The following VTA1 variants were observed in gnomAD, a reference collection of about 807,000 sequenced individuals.
VTA1 encodes the protein vesicle trafficking 1, also known as vacuolar protein sorting-associated protein VTA1 homolog.
Under a neutral mutation model 36.9 loss-of-function variants are expected in VTA1, and 24 were observed. The observed-to-expected ratio is 0.65, with a 90% CI of 0.47 to 0.91. VTA1 has a LOEUF of 0.91. Among genes scored for constraint, VTA1 ranks in the 40% least tolerant of loss-of-function variants. The pLI, the probability that VTA1 is intolerant of heterozygous loss-of-function variation, is 0.00. For missense variants in VTA1, 393 were observed against 377.2 expected, an observed-to-expected ratio of 1.04 and a Z score of -0.35; for synonymous variants, 142 against 130.2, an observed-to-expected ratio of 1.09 and a Z score of -0.62.
intron 1 of VTA1, among the ~76,000 whole-genome samples, chr6:142,165,480 C>T (rs1774895034): frequency 6.6e-6 from 1 of 152,156 alleles, no homozygotes; most frequent in African/African-American, 2.4e-5. Context: ...TTGTGCACAA[C>T]AGTTGTAATG....
rs113356138 is a variant in VTA1, at chr6:142,212,082, T to G, written c.779-6416T>G. On this transcript the variant is annotated intron_variant, in intron 7 of 7. Coordinates refer to ENST00000367630, the MANE Select transcript of VTA1 (RefSeq NM_016485.5). ...CATTGCTGGTGGGAATGCAAAATGA[T>G]ACAGCCATTTTAAAAGACAGTTTGG... 9.4e-3 allele frequency among the ~76,000 whole-genome samples: 1,434 copies of G among 152,352 alleles called. 39 individuals are homozygous for G. Among genetic ancestry groups the G allele is most frequent in the South Asian group, 0.069 (334 of 4,826 alleles).
rs938830394 is a variant in VTA1, at chr6:142,219,913, C to T, written c.*1270C>T. On this transcript the variant is annotated 3_prime_UTR_variant, in exon 8 of 8. Transcript: ENST00000367630. ...ATGTTTTGTCTGTGGTTGCTTTCCACAACTGCAGAGTTGTATGGCTTGCAA... is the reference window on the plus strand; with the variant it reads ...ATGTTTTGTCTGTGGTTGCTTTCCATAACTGCAGAGTTGTATGGCTTGCAA... 11 of 152,192 alleles carry T rather than the reference C, an allele frequency of 7.2e-5. No individual in the cohort carries two copies. Among genetic ancestry groups the T allele is most frequent in the Non-Finnish European group, 4.4e-5 (3 of 68,040 alleles). 9.4% of individuals were successfully genotyped at this position (152,192 alleles called of 1,614,324 possible).
At chr6:142,151,993 A>G (rs959440719) in intron 1 of VTA1, among the ~76,000 whole-genome samples, 10 of 152,344 alleles carry the variant, frequency 6.6e-5, no homozygotes, top group African/African-American at 2.2e-4. Context: ...AGATCGTGCA[A>G]TTGCACTCCA....
At chr6:142,208,068 G>T (rs225696) in intron 7 of VTA1, among the ~76,000 whole-genome samples, 1 of 138,840 alleles carries the variant, frequency 7.2e-6, no homozygotes, top group African/African-American at 2.8e-5. Context: ...CAGCCTGGGT[G>T]ACAGTGAGAC....
chr6:142,171,635 T>A (rs986303267), intron 4 of VTA1, among the ~76,000 whole-genome samples: 2 of 152,244 alleles, frequency 1.3e-5, no homozygotes, highest in African/African-American at 4.8e-5. Context: ...CAGTATCATT[T>A]TCACCATAAC....
intron 7 of VTA1, among the ~76,000 whole-genome samples, chr6:142,205,854 A>C (rs1054012232): frequency 6.6e-6 from 1 of 152,176 alleles, no homozygotes; most frequent in Non-Finnish European, 1.5e-5. Context: ...AAGAAATCTC[A>C]GTTTGGAAGC....
intron 1 of VTA1, among the ~76,000 whole-genome samples, chr6:142,164,592 A>G (rs1045504124): frequency 1.3e-5 from 2 of 152,170 alleles, no homozygotes; most frequent in Non-Finnish European, 2.9e-5. Context: ...TTAATTTTTA[A>G]AGAGAATTTT....
chr6:142,151,786 C>T (rs745636081), intron 1 of VTA1, among the ~76,000 whole-genome samples: 10 of 152,230 alleles, frequency 6.6e-5, no homozygotes, highest in Non-Finnish European at 1.5e-4. Context: ...GTAATCCCAG[C>T]ACTTTGGGAG....
intron 6 of VTA1, among the ~76,000 whole-genome samples, chr6:142,199,956 T>C (rs1775648078): frequency 2.0e-5 from 3 of 152,140 alleles, no homozygotes; most frequent in African/African-American, 7.2e-5. Flanking sequence ...AACCAGCTAC[T>C]TAGATCTGTT....
In VTA1 at chr6:142,181,172, T is replaced by C. The variant is rs1201142750; in HGVS notation, c.412-8254T>C. Among the ~76,000 whole-genome samples, 4 of 141,732 alleles carry C rather than the reference T, an allele frequency of 2.8e-5. No individual in the cohort carries two copies. The East Asian group carries it at 8.1e-4, about 29-fold the overall frequency. 93.0% of individuals were successfully genotyped at this position (141,732 alleles called of 152,430 possible). A position where few individuals can be genotyped will look rare whatever the true frequency, so the allele number is the denominator to read the frequency against. ...TTTTTGATACGGAGTCTCGCTCTGT[T>C]GCCCAGGGTGGAGTGCAGTGGCGCG... On this transcript the variant is annotated intron_variant, in intron 4 of 7. Coordinates refer to ENST00000367630, the MANE Select transcript of VTA1 (RefSeq NM_016485.5).
chr6:142,159,076 T>C (rs1774719603), intron 1 of VTA1, among the ~76,000 whole-genome samples: 1 of 152,130 alleles, frequency 6.6e-6, no homozygotes, highest in South Asian at 2.1e-4. Context: ...AAATCTGGTA[T>C]TGGTTGGGCA....
At chr6:142,170,212 A>G (rs927919032) in intron 3 of VTA1, 134 bp from the exon 4 acceptor site, 1 of 651,126 alleles carries the variant, frequency 1.5e-6, no homozygotes, top group African/African-American at 1.9e-5. Context: ...TTTTCTTGAA[A>G]TCTAATTTTA....
At position 142,173,026 on chromosome 6, in the gene VTA1, T is replaced by C. The variant is rs982925874; in HGVS notation, c.411+2605T>C. Among the ~76,000 whole-genome samples the C allele has an allele frequency of 5.3e-5, 8 of 150,824 alleles. No individual in the cohort carries two copies. The East Asian group carries it at 1.6e-3, about 29-fold the overall frequency. On this transcript the variant is annotated intron_variant, in intron 4 of 7. Coordinates refer to ENST00000367630, the MANE Select transcript of VTA1 (RefSeq NM_016485.5). ...TTAACTATGGGCCTTAGTTGAGAGGTGGAAAACTGTACATGATGAGTTGTT... is the reference window on the plus strand; with the variant it reads ...TTAACTATGGGCCTTAGTTGAGAGGCGGAAAACTGTACATGATGAGTTGTT...
chr6:142,156,721 GA>G (rs1778670183), intron 1 of VTA1, among the ~76,000 whole-genome samples: 1 of 152,174 alleles, frequency 6.6e-6, no homozygotes, highest in African/African-American at 2.4e-5. Context: ...ATCATCATCA[GA>G]AAATTAAATA....
At chr6:142,213,368 A>G (rs180719012) in intron 7 of VTA1, among the ~76,000 whole-genome samples, 1 of 152,294 alleles carries the variant, frequency 6.6e-6, no homozygotes, top group African/African-American at 2.4e-5. Context: ...TCTGCAGGGT[A>G]CAGCCCCCTT....
intron 1 of VTA1, among the ~76,000 whole-genome samples, chr6:142,161,160 A>G (rs1337690466): frequency 6.7e-6 from 1 of 149,958 alleles, no homozygotes; most frequent in East Asian, 2.0e-4. Context: ...TTGTACAAAA[A>G]CTGTATAATA....
chr6:142,186,920 C>A (rs1295274351), intron 4 of VTA1, among the ~76,000 whole-genome samples: 2 of 151,664 alleles, frequency 1.3e-5, no homozygotes, highest in Non-Finnish European at 1.5e-5. Context: ...TAATAAATGG[C>A]AACTGATATG....
intron 1 of VTA1, among the ~76,000 whole-genome samples, chr6:142,148,958 C>T (rs982345970): frequency 6.6e-6 from 1 of 152,162 alleles, no homozygotes. Context: ...AATCTCTCAT[C>T]CCTAAAGGAA....
chr6:142,168,416 TTTTAA>T (rs1178395083), intron 2 of VTA1, among the ~76,000 whole-genome samples: 2 of 152,138 alleles, frequency 1.3e-5, no homozygotes, highest in East Asian at 3.8e-4. Context: ...CTGGGGCTTC[TTTTAA>T]TTTAATTTTT....
Sources: gnomAD v4.1 joint callset for allele counts (sites outside exome capture counted in the v4.1 genomes callset) on GRCh38, gnomAD v4.1.1 for gene constraint, MANE v1.5 for transcripts, NCBI Gene and HGNC (gene_info 2026-07-23, HGNC 2026-07-21) for gene names.